The following RBFOX1 variants were observed in gnomAD, a reference collection of about 807,000 sequenced individuals.
The protein encoded by RBFOX1 is RNA binding protein fox-1 homolog 1.
In RBFOX1, 8 loss-of-function variants were observed where a neutral mutation model predicts 57.7. That is an observed-to-expected ratio of 0.14 (90% CI 0.08 to 0.25). The LOEUF (loss-of-function observed/expected upper bound fraction) is 0.25. Among genes scored for constraint, RBFOX1 ranks in the 10% least tolerant of loss-of-function variants. The pLI, the probability that RBFOX1 is intolerant of heterozygous loss-of-function variation, is 1.00. For synonymous variants in RBFOX1, 326 were observed against 222.4 expected (o/e 1.47, Z -4.15); for missense variants, 611 against 548.5 (o/e 1.11, Z -1.14).
chr16:5,598,474 A>G (rs191555073), intron 2 of RBFOX1, among the ~76,000 whole-genome samples: 132 of 152,342 alleles, frequency 8.7e-4, no homozygotes, highest in African/African-American at 3.0e-3. Context: ...AACTGTAATA[A>G]TAAACTTCCT....
At chr16:5,830,610 G>T (rs1349637628) in intron 3 of RBFOX1, among the ~76,000 whole-genome samples, 1 of 152,108 alleles carries the variant, frequency 6.6e-6, no homozygotes. Flanking sequence ...TCTGGGAGGT[G>T]AGAAAAGATG....
At chr16:7,654,640 G>GAAAA (rs200225285) in intron 12 of RBFOX1, among the ~76,000 whole-genome samples, 1 of 149,382 alleles carries the variant, frequency 6.7e-6, no homozygotes, top group African/African-American at 2.5e-5. Flanking sequence ...CTCAGTAAAA[G>GAAAA]AAAAAAAAAA....
intron 4 of RBFOX1, among the ~76,000 whole-genome samples, chr16:7,211,647 C>T (rs1396012011): frequency 1.3e-5 from 2 of 152,056 alleles, no homozygotes; most frequent in East Asian, 3.9e-4. Context: ...TATTGCATTT[C>T]CAGGAGAAAA....
chr16:7,142,631 C>A (rs1331605547), intron 4 of RBFOX1, among the ~76,000 whole-genome samples: 1 of 152,138 alleles, frequency 6.6e-6, no homozygotes, highest in Non-Finnish European at 1.5e-5. Flanking sequence ...GACTGTCAAT[C>A]AGAGCATTTT....
At chr16:5,796,020 A>T (rs1567552949) in intron 3 of RBFOX1, among the ~76,000 whole-genome samples, 1 of 152,214 alleles carries the variant, frequency 6.6e-6, no homozygotes, top group Non-Finnish European at 1.5e-5. Flanking sequence ...TGTGCAATGC[A>T]TTGTAGATTT....
intron 4 of RBFOX1, among the ~76,000 whole-genome samples, chr16:5,939,833 G>A (rs939738680): frequency 1.3e-5 from 2 of 152,194 alleles, no homozygotes; most frequent in African/African-American, 4.8e-5. Flanking sequence ...TGACCATATG[G>A]ACATGGGGAT....
chr16:7,309,300 C>T (rs578225750), intron 4 of RBFOX1, among the ~76,000 whole-genome samples: 1 of 152,208 alleles, frequency 6.6e-6, no homozygotes, highest in Admixed American at 6.5e-5. Context: ...GTGCTTCCCC[C>T]CTTTGGGGAA....
chr16:5,587,141 C>G (rs56274037), intron 2 of RBFOX1, among the ~76,000 whole-genome samples: 3 of 152,132 alleles, frequency 2.0e-5, no homozygotes, highest in African/African-American at 7.2e-5. Context: ...GGATAAGACA[C>G]TGTTCAAAAG....
intron 4 of RBFOX1, among the ~76,000 whole-genome samples, chr16:7,430,886 G>C (rs969782267): frequency 1.3e-5 from 2 of 152,310 alleles, no homozygotes; most frequent in Non-Finnish European, 2.9e-5. Context: ...TAACGTGTAT[G>C]ATGTGACTGG....
At chr16:5,289,402 C>T in intron 1 of RBFOX1, 1 of 352,918 alleles carries the variant, frequency 2.8e-6, no homozygotes, top group Non-Finnish European at 5.5e-6. Flanking sequence ...TGGGGTGCTG[C>T]CATCATACCG....
chr16:7,169,328 G>C (rs771516955), intron 4 of RBFOX1, among the ~76,000 whole-genome samples: 1 of 152,144 alleles, frequency 6.6e-6, no homozygotes, highest in African/African-American at 2.4e-5. Context: ...CATATATCAG[G>C]GTTTCTGAAT....
At chr16:7,200,073 T>C (rs2152712957) in intron 4 of RBFOX1, among the ~76,000 whole-genome samples, 1 of 152,324 alleles carries the variant, frequency 6.6e-6, no homozygotes, top group South Asian at 2.1e-4. Context: ...AGTCAGATAC[T>C]AGTCATAATA....
chr16:7,206,034 G>T (rs1259477167), intron 4 of RBFOX1, among the ~76,000 whole-genome samples: 4 of 152,194 alleles, frequency 2.6e-5, no homozygotes, highest in Non-Finnish European at 4.4e-5. Context: ...ACCCAGAGGC[G>T]AGTAGGATGT....
At chr16:5,313,784 C>T (rs910984455) in intron 1 of RBFOX1, among the ~76,000 whole-genome samples, 1 of 152,180 alleles carries the variant, frequency 6.6e-6, no homozygotes, top group African/African-American at 2.4e-5. Flanking sequence ...TTACCTCCCA[C>T]TAGGTCCCTC....
rs574541640 is a variant in RBFOX1 at position 6,923,227 on chromosome 16, C to T, written c.-15-128830C>T. ...CCTGAGCTCTCCATCAGCCCAGCCCCACAGGCTGCTAGATGTGGTATCCTG... is the reference window on the plus strand; with the variant it reads ...CCTGAGCTCTCCATCAGCCCAGCCCTACAGGCTGCTAGATGTGGTATCCTG... On this transcript the variant is annotated intron_variant, in intron 3 of 15. Coordinates refer to ENST00000550418, the MANE Select transcript of RBFOX1 (RefSeq NM_018723.4). 8.5e-5 allele frequency among the ~76,000 whole-genome samples: 13 copies of T among 152,256 alleles called. No homozygotes were observed. In the South Asian group the frequency reaches 2.7e-3, roughly 32 times the overall value.
At chr16:7,417,231 G>A (rs1236554223) in intron 4 of RBFOX1, among the ~76,000 whole-genome samples, 1 of 151,770 alleles carries the variant, frequency 6.6e-6, no homozygotes, top group South Asian at 2.1e-4. Flanking sequence ...ATACTGGCTG[G>A]GCGTGGTGGT....
At chr16:6,381,079 G>A (rs1596370101) in intron 2 of RBFOX1, among the ~76,000 whole-genome samples, 1 of 152,146 alleles carries the variant, frequency 6.6e-6, no homozygotes, top group Non-Finnish European at 1.5e-5. Flanking sequence ...GGGGCAAGGG[G>A]ATTTGGGAAG....
At chr16:6,267,243 A>G (rs898682381) in intron 1 of RBFOX1, among the ~76,000 whole-genome samples, 5 of 152,208 alleles carry the variant, frequency 3.3e-5, no homozygotes, top group Admixed American at 2.6e-4. Context: ...TGGGCAGAAA[A>G]AAAACTGTCA....
chr16:6,803,371 A>G (rs1279881311), intron 3 of RBFOX1, among the ~76,000 whole-genome samples: 1 of 152,176 alleles, frequency 6.6e-6, no homozygotes, highest in African/African-American at 2.4e-5. Flanking sequence ...ACAGAGAAGA[A>G]CAATCTGCAG....
Sources: gnomAD v4.1 joint callset for allele counts (sites outside exome capture counted in the v4.1 genomes callset) on GRCh38, gnomAD v4.1.1 for gene constraint, MANE v1.5 for transcripts, NCBI Gene and HGNC (gene_info 2026-07-23, HGNC 2026-07-21) for gene names.